The following RMC1 variants were observed in gnomAD, a reference collection of about 807,000 sequenced individuals.
RMC1 encodes regulator of MON1-CCZ1 complex.
RMC1 carries 44 observed loss-of-function variants against 95.5 expected under a neutral mutation model. That is an observed-to-expected ratio of 0.46 (90% CI 0.36 to 0.59). The LOEUF is 0.59. RMC1 is among the 20% of genes least tolerant of loss of function. The probability of loss-of-function intolerance (pLI) is 0.00; values close to 1 mark genes in which losing one functional copy is unlikely to be tolerated. For missense variants in RMC1, 705 were observed against 819.6 expected (o/e 0.86, Z 1.71); for synonymous variants, 320 against 303.6 (o/e 1.05, Z -0.56).
At chr18:23,525,554 A>G (rs550590291) in intron 12 of RMC1, among the ~76,000 whole-genome samples, 1 of 152,134 alleles carries the variant, frequency 6.6e-6, no homozygotes, top group East Asian at 1.9e-4. Context: ...CCTCCCCAGT[A>G]GCTGGGATTA....
chr18:23,510,744 T>G (rs1013049044), intron 5 of RMC1, among the ~76,000 whole-genome samples: 5 of 152,064 alleles, frequency 3.3e-5, no homozygotes, highest in Non-Finnish European at 7.4e-5. Context: ...TCACTGATCA[T>G]TAGAGAAATG....
At position 23,530,612 on chromosome 18, in the gene RMC1, G is replaced by A; in HGVS notation, c.1894G>A (p.Gly632Arg). Residue 632 changes from glycine to arginine, a missense_variant and splice_region_variant, in exon 19 of 20, where the codon GGG (glycine) becomes AGG (arginine). Gly to Arg is a moderately radical substitution (Grantham distance 125). Coordinates refer to ENST00000269221, the MANE Select transcript of RMC1 (RefSeq NM_013326.5). ...RLRGSPNFTPGEHCEEHVAFF... is the reference protein window; with the variant it reads ...RLRGSPNFTPREHCEEHVAFF... The stretch of plus-strand genomic sequence containing the variant: ...GCGAGGGAGCCCCAATTTCACACCA[G>A]GTGAGAATGCAATGAAAAGACTTGG... The A allele has an allele frequency of 6.2e-7, 1 of 1,612,216 alleles. No individual in the cohort carries two copies. Among genetic ancestry groups the A allele is most frequent in the Non-Finnish European group, 8.5e-7 (1 of 1,178,722 alleles).
chr18:23,508,150 C>T (rs1274494777), intron 4 of RMC1, 109 bp downstream of exon 4: 1 of 983,414 alleles, frequency 1.0e-6, no homozygotes, highest in African/African-American at 1.7e-5. Context: ...TGAAGTCAGA[C>T]TGTCCCTCAT....
At chr18:23,505,246 A>G (rs1433395674) in intron 2 of RMC1, among the ~76,000 whole-genome samples, 1 of 152,062 alleles carries the variant, frequency 6.6e-6, no homozygotes, top group East Asian at 1.9e-4. Context: ...TTTTTAGTAG[A>G]GATGGGGTTT....
intron 5 of RMC1, among the ~76,000 whole-genome samples, chr18:23,510,848 G>A (rs545093398): frequency 2.0e-5 from 3 of 152,356 alleles, no homozygotes; most frequent in African/African-American, 7.2e-5. Context: ...AGGTTGTGGA[G>A]AAAAGGGAAC....
chr18:23,517,096 GTA>G (rs1235031543), intron 7 of RMC1, among the ~76,000 whole-genome samples: 1 of 151,588 alleles, frequency 6.6e-6, no homozygotes, highest in Non-Finnish European at 1.5e-5. Flanking sequence ...AAGATTTTAT[GTA>G]ACAGACATGG....
At position 23,527,835 on chromosome 18, in the gene RMC1, C is replaced by G. The variant is rs141781475; in HGVS notation, c.1230C>G (p.Ala410=). The change falls in exon 14 of 20, where the codon GCC becomes GCG. Residue 410 remains alanine (A), a synonymous_variant. Coordinates refer to ENST00000269221, the MANE Select transcript of RMC1 (RefSeq NM_013326.5). ...ESDRASLPVI[A]TVFDKLNHEY... ...ACAGAGCATCGCTGCCCGTGATAGC[C>G]ACTGTTTTTGATAAACTCAACCATG... 3,654 of 1,614,066 alleles carry G rather than the reference C, an allele frequency of 2.3e-3. 14 individuals carry two copies. The highest frequency in any genetic ancestry group is 2.2e-3 in the Non-Finnish European group (2,615 of 1,180,008).
In RMC1 at chr18:23,520,216, C is replaced by A. The variant is rs112752406; in HGVS notation, c.864C>A (p.Phe288Leu). Residue 288 changes from phenylalanine (F) to leucine (L), a missense_variant, in exon 10 of 20, where the codon TTC becomes TTA. Phe to Leu is a conservative substitution (Grantham distance 22, BLOSUM62 0). Coordinates refer to ENST00000269221, the MANE Select transcript of RMC1 (RefSeq NM_013326.5). ...HHQDTETSVI[F>L]DIKLRGEFDG... Reference sequence around the variant, plus strand: ...TTCCCCCCCAGACATCGGTAATATTCGATATCAAGTTACGGGGAGAGTTTG... The same window carrying A: ...TTCCCCCCCAGACATCGGTAATATTAGATATCAAGTTACGGGGAGAGTTTG... 6.2e-7 allele frequency: 1 copy of A among 1,613,764 alleles called. No homozygotes were observed. The highest frequency in any genetic ancestry group is 1.3e-5 in the African/African-American group (1 of 74,872).
chr18:23,504,717 C>T (rs941315161), intron 2 of RMC1: 2 of 321,370 alleles, frequency 6.2e-6, no homozygotes, highest in Non-Finnish European at 1.2e-5. Context: ...AACAAGTCAG[C>T]GTGATGATGT....
intron 1 of RMC1, among the ~76,000 whole-genome samples, chr18:23,503,978 C>T (rs574368620): frequency 6.6e-6 from 1 of 152,302 alleles, no homozygotes; most frequent in East Asian, 1.9e-4. Context: ...CAATTGTTGG[C>T]GCGCCCGTCT....
intron 5 of RMC1, 29 bp downstream of exon 5, chr18:23,509,308 G>T: frequency 8.2e-7 from 1 of 1,213,256 alleles, no homozygotes; most frequent in Non-Finnish European, 1.1e-6. Context: ...ATGTTTGTTG[G>T]TTAAAGTTCA....
chr18:23,516,044 C>G (rs2057993978), intron 6 of RMC1, 48 bp downstream of exon 6: 2 of 1,612,404 alleles, frequency 1.2e-6, no homozygotes, highest in South Asian at 1.1e-5. Flanking sequence ...CAGTTGTCCC[C>G]TGTTCCTGTA....
chr18:23,527,991 T>C (rs1421230931), intron 14 of RMC1, 90 bp downstream of exon 14: 4 of 1,083,908 alleles, frequency 3.7e-6, no homozygotes, highest in Non-Finnish European at 5.2e-6. Flanking sequence ...TTGTTTCCTA[T>C]ATATTAGAAT....
Position 23,524,051 on chromosome 18 carries a change from T to C in RMC1, c.962-79T>C, listed in dbSNP as rs1469498845. The C allele has an allele frequency of 1.1e-5, 16 of 1,401,420 alleles. No homozygotes were observed. The East Asian group carries it at 1.8e-4, about 16-fold the overall frequency. 86.8% of individuals were successfully genotyped at this position (1,401,420 alleles called of 1,614,324 possible). A position where few individuals can be genotyped will look rare whatever the true frequency, so the allele number is the denominator to read the frequency against. On this transcript the variant is annotated intron_variant, in intron 10 of 19. Coordinates refer to ENST00000269221, the MANE Select transcript of RMC1 (RefSeq NM_013326.5). ...CATTTCGTAATGACATTAAAAAGTATTGACTTTTGTGTCATAAGTACCAGC... is the reference window on the plus strand; with the variant it reads ...CATTTCGTAATGACATTAAAAAGTACTGACTTTTGTGTCATAAGTACCAGC...
intron 5 of RMC1, 94 bp from the exon 6 acceptor site, chr18:23,515,762 A>G: frequency 2.7e-6 from 4 of 1,460,298 alleles, no homozygotes; most frequent in Non-Finnish European, 3.8e-6. Flanking sequence ...CGAACTCCTG[A>G]CCTCAGGTGA....
Position 23,515,944 on chromosome 18 carries a change from T to A in RMC1, c.497T>A (p.Ile166Asn). 1.2e-6 allele frequency: 2 copies of A among 1,614,146 alleles called. No homozygotes were observed. The highest frequency in any genetic ancestry group is 1.7e-6 in the Non-Finnish European group (2 of 1,180,028). Reference protein sequence around the residue: ...WYMYCPESAVILLSTTVLENV... With the variant: ...WYMYCPESAVNLLSTTVLENV... ...ATGTACTGCCCCGAGAGCGCCGTGATCTTGCTGTCTACCACGGTCCTGGAG... is the reference window on the plus strand; with the variant it reads ...ATGTACTGCCCCGAGAGCGCCGTGAACTTGCTGTCTACCACGGTCCTGGAG... The change falls in exon 6 of 20, where the codon ATC becomes AAC. Residue 166 changes from isoleucine to asparagine, a missense_variant. Physicochemically the swap from Ile to Asn is moderately radical, Grantham distance 149. Coordinates refer to ENST00000269221, the MANE Select transcript of RMC1 (RefSeq NM_013326.5).
intron 1 of RMC1, 137 bp from the exon 2 acceptor site, chr18:23,504,234 C>G (rs569203923): frequency 2.8e-6 from 2 of 713,260 alleles, no homozygotes; most frequent in African/African-American, 3.5e-5. Flanking sequence ...AGCCAAACAT[C>G]TGTACCTTGA....
intron 12 of RMC1, 86 bp from the exon 13 acceptor site, chr18:23,526,551 G>A (rs199645909): frequency 6.6e-7 from 1 of 1,507,296 alleles, no homozygotes; most frequent in Non-Finnish European, 9.0e-7. Context: ...CCTGCCACCC[G>A]CCCCGCAGAT....
chr18:23,530,151 T>C lies in RMC1; in HGVS notation c.1599+19T>C. The stretch of plus-strand genomic sequence containing the variant: ...ACCTTTGGTATGCATTGCCAGATTT[T>C]TACTTCCATTGTGGTTAAAAATGGA... On this transcript the variant is annotated intron_variant, in intron 17 of 19. Transcript: ENST00000269221. The C allele has an allele frequency of 6.2e-7, 1 of 1,613,910 alleles. No individual in the cohort carries two copies. The highest frequency in any genetic ancestry group is 1.3e-5 in the African/African-American group (1 of 75,056).
Sources: gnomAD v4.1 joint callset for allele counts (sites outside exome capture counted in the v4.1 genomes callset) on GRCh38, gnomAD v4.1.1 for gene constraint, MANE v1.5 for transcripts, NCBI Gene and HGNC (gene_info 2026-07-23, HGNC 2026-07-21) for gene names.